The following TRAF3IP1 variants were observed in gnomAD, a reference collection of about 807,000 sequenced individuals.
The protein encoded by TRAF3IP1 is intraflagellar transport 54, also known as TRAF3-interacting protein 1.
A neutral mutation model predicts 89.9 loss-of-function variants in TRAF3IP1; 53 were observed. The ratio of observed to expected loss-of-function variants is 0.59; its 90% confidence interval spans 0.47 to 0.74. The LOEUF (loss-of-function observed/expected upper bound fraction) is 0.74. Among genes scored for constraint, TRAF3IP1 ranks in the 30% least tolerant of loss-of-function variants. The probability of loss-of-function intolerance (pLI) is 0.00; values close to 1 mark genes in which losing one functional copy is unlikely to be tolerated. For synonymous variants in TRAF3IP1, 311 were observed against 322.1 expected (o/e 0.97, Z 0.37); for missense variants, 806 against 866.1 (o/e 0.93, Z 0.87).
rs193132964 is a variant in TRAF3IP1, at chr2:238,327,413, G to A, written c.355-1273G>A. ...CTTTGGCCTAAATGGAGCCTGGCAC[G>A]CGGCAATCACGCAGCATGTGCTTGT... On this transcript the variant is annotated intron_variant, in intron 3 of 16. Transcript: ENST00000373327. Among the ~76,000 whole-genome samples, 107 of 152,288 alleles carry A rather than the reference G, an allele frequency of 7.0e-4. 1 individual carries two copies. Among genetic ancestry groups the A allele is most frequent in the Admixed American group, 1.8e-3 (28 of 15,302 alleles).
At chr2:238,326,027 G>A in intron 3 of TRAF3IP1, 57 bp downstream of exon 3, 16 of 1,550,406 alleles carry the variant, frequency 1.0e-5, no homozygotes, top group South Asian at 4.9e-5. Context: ...AAAAGTAGTC[G>A]GGGGTGAGGG....
chr2:238,391,129 A>AT (rs1284605467), intron 15 of TRAF3IP1, among the ~76,000 whole-genome samples: 2 of 151,368 alleles, frequency 1.3e-5, no homozygotes, highest in African/African-American at 4.9e-5. Context: ...TAATTTTTGT[A>AT]TTTTTTTTGT....
chr2:238,327,357 T>C (rs1697890380), intron 3 of TRAF3IP1, among the ~76,000 whole-genome samples: 1 of 152,176 alleles, frequency 6.6e-6, no homozygotes, highest in African/African-American at 2.4e-5. Context: ...TTAATTGTTG[T>C]GTTTATCTGT....
At position 238,351,866 on chromosome 2, in the gene TRAF3IP1, T is replaced by TGTGTGTGC. The variant is rs1421537563; in HGVS notation, c.1452-960_1452-959insTGTGTGCG. ...GTGTGTGTGTGTGTGTGTGTGTGTG[T>TGTGTGTGC]GCGCGCGCGCGCGTGTGCGTGCATG... is the stretch of plus-strand genomic sequence containing the variant. On this transcript the variant is annotated intron_variant, in intron 12 of 16. Transcript: ENST00000373327. The surrounding 1 kb of genome is among the most constrained non-coding windows in gnomAD (Gnocchi z 5.2). Among the ~76,000 whole-genome samples, 443 of 128,210 alleles carry TGTGTGTGC rather than the reference T, an allele frequency of 3.5e-3. 2 individuals carry two copies. Among genetic ancestry groups the TGTGTGTGC allele is most frequent in the African/African-American group, 0.014 (410 of 29,450 alleles). The allele number at this position is 128,210 out of a possible 152,430, so 84.1% of individuals were successfully genotyped here. A position where few individuals can be genotyped will look rare whatever the true frequency, so the allele number is the denominator to read the frequency against.
intron 15 of TRAF3IP1, among the ~76,000 whole-genome samples, chr2:238,382,513 C>T (rs1700589208): frequency 6.6e-6 from 1 of 152,188 alleles, no homozygotes; most frequent in African/African-American, 2.4e-5. Context: ...TTGTCATTTG[C>T]ATCTGGAGGC....
intron 1 of TRAF3IP1, among the ~76,000 whole-genome samples, chr2:238,323,287 C>T (rs1042971405): frequency 4.6e-5 from 7 of 152,114 alleles, no homozygotes; most frequent in African/African-American, 1.4e-4. Flanking sequence ...CCATGTTGTC[C>T]GGCCTGATCT....
At chr2:238,387,296 G>A (rs998928299) in intron 15 of TRAF3IP1, among the ~76,000 whole-genome samples, 5 of 152,164 alleles carry the variant, frequency 3.3e-5, no homozygotes, top group South Asian at 4.1e-4. Flanking sequence ...AATGAGCAGC[G>A]GTCTGTTATT....
At chr2:238,383,413 A>G (rs1295706969) in intron 15 of TRAF3IP1, among the ~76,000 whole-genome samples, 4 of 152,306 alleles carry the variant, frequency 2.6e-5, no homozygotes, top group East Asian at 1.9e-4. Flanking sequence ...GAAACTACCT[A>G]TTAATGAACA....
At chr2:238,337,680 G>A (rs1168359079) in intron 7 of TRAF3IP1, among the ~76,000 whole-genome samples, 1 of 152,236 alleles carries the variant, frequency 6.6e-6, no homozygotes, top group Non-Finnish European at 1.5e-5. Flanking sequence ...CAGGTTGGAT[G>A]CCACTTGTTT....
intron 1 of TRAF3IP1, 152 bp from the exon 2 acceptor site, chr2:238,325,154 C>T (rs1574887606): frequency 9.4e-6 from 7 of 741,014 alleles, no homozygotes; most frequent in East Asian, 7.9e-5. Context: ...CTGCACAGCA[C>T]GTGTAGTAGA....
chr2:238,320,908 C>A, intron 1 of TRAF3IP1, 123 bp downstream of exon 1: 1 of 860,378 alleles, frequency 1.2e-6, no homozygotes, highest in Non-Finnish European at 1.5e-6. Flanking sequence ...GGGTCGGGGG[C>A]CGGGGCTGGG....
chr2:238,343,657 TTTTTTTTTTC>T, intron 8 of TRAF3IP1, among the ~76,000 whole-genome samples: 1 of 149,860 alleles, frequency 6.7e-6, no homozygotes, highest in African/African-American at 2.5e-5. Context: ...TTTTTTTTTT[TTTTTTTTTTC>T]CCCGAGATAG....
chr2:238,332,899 A>G lies in TRAF3IP1; in HGVS notation c.987+4A>G. 2 of 1,604,660 alleles carry G rather than the reference A, an allele frequency of 1.2e-6. No homozygotes were observed. Among genetic ancestry groups the G allele is most frequent in the South Asian group, 1.1e-5 (1 of 90,236 alleles). ...AGACTCCAAGGCTGAAACAGAGGTA[A>G]ACTTTAAAAAATAACTTTTAAGAGA... On this transcript the variant is annotated splice_donor_region_variant and intron_variant, in intron 6 of 16. Coordinates refer to ENST00000373327, the MANE Select transcript of TRAF3IP1 (RefSeq NM_015650.4).
At chr2:238,354,569 G>T (rs1699317793) in intron 14 of TRAF3IP1, among the ~76,000 whole-genome samples, 1 of 152,258 alleles carries the variant, frequency 6.6e-6, no homozygotes, top group South Asian at 2.1e-4. Context: ...AGCAATTTTA[G>T]AACACCACGA....
chr2:238,346,892 G>A (rs1430741568), intron 9 of TRAF3IP1, among the ~76,000 whole-genome samples: 1 of 152,218 alleles, frequency 6.6e-6, no homozygotes, highest in South Asian at 2.1e-4. Flanking sequence ...GACCGTTTAG[G>A]TCACATTTGT....
intron 1 of TRAF3IP1, among the ~76,000 whole-genome samples, chr2:238,321,195 C>CTTCT (rs1237992515): frequency 6.6e-6 from 1 of 152,104 alleles, no homozygotes; most frequent in African/African-American, 2.4e-5. Context: ...AGCATTCTTA[C>CTTCT]TTCTTCCCTG....
chr2:238,346,542 G>T (rs1698903205), intron 9 of TRAF3IP1, among the ~76,000 whole-genome samples: 1 of 152,148 alleles, frequency 6.6e-6, no homozygotes, highest in African/African-American at 2.4e-5. Context: ...ATGAGCTCGT[G>T]GCTGTTATGC....
At chr2:238,380,711 A>G (rs1700511093) in intron 15 of TRAF3IP1, among the ~76,000 whole-genome samples, 1 of 152,214 alleles carries the variant, frequency 6.6e-6, no homozygotes, top group African/African-American at 2.4e-5. Context: ...GACCCCAACA[A>G]TATTTTAAAG....
intron 11 of TRAF3IP1, among the ~76,000 whole-genome samples, 181 bp downstream of exon 11, chr2:238,349,029 A>G (rs1294649027): frequency 1.3e-5 from 2 of 152,236 alleles, no homozygotes; most frequent in African/African-American, 4.8e-5. Flanking sequence ...CTATATAGTG[A>G]TATAATATTT....
Sources: gnomAD v4.1 joint callset for allele counts (sites outside exome capture counted in the v4.1 genomes callset) on GRCh38, gnomAD v4.1.1 for gene constraint, Gnocchi (gnomAD v3.1) non-coding constraint, MANE v1.5 for transcripts, NCBI Gene and HGNC (gene_info 2026-07-23, HGNC 2026-07-21) for gene names.